Variants in PSD3 observed in about 807,000 individuals in gnomAD.
The protein encoded by PSD3 is pleckstrin and Sec7 domain containing 3.
A neutral mutation model predicts 105.5 loss-of-function variants in PSD3; 49 were observed. That is an observed-to-expected ratio of 0.46 (90% CI 0.37 to 0.59). PSD3 has a LOEUF of 0.59. Among genes scored for constraint, PSD3 ranks in the 20% least tolerant of loss-of-function variants. PSD3 has a pLI of 0.00. For missense variants in PSD3, 1,561 were observed against 1,263.8 expected, an observed-to-expected ratio of 1.24 and a Z score of -3.57; for synonymous variants, 557 against 457.8, an observed-to-expected ratio of 1.22 and a Z score of -2.77.
At chr8:18,858,988 A>G (rs1184912537) in intron 4 of PSD3, among the ~76,000 whole-genome samples, 7 of 152,136 alleles carry the variant, frequency 4.6e-5, no homozygotes, top group Admixed American at 3.9e-4. Flanking sequence ...AAGGTTTTCA[A>G]CTGACTTTGC....
At chr8:18,672,857 C>T (rs1429676882) in intron 9 of PSD3, among the ~76,000 whole-genome samples, 2 of 152,148 alleles carry the variant, frequency 1.3e-5, no homozygotes, top group Non-Finnish European at 2.9e-5. Context: ...GTCTCCATTA[C>T]CTGGCATTTG....
intron 1 of PSD3, among the ~76,000 whole-genome samples, chr8:19,037,668 T>A (rs1052378737): frequency 2.0e-5 from 3 of 152,174 alleles, no homozygotes; most frequent in Non-Finnish European, 4.4e-5. Context: ...CATCTCTATT[T>A]AGGCTGGCAC....
Position 18,631,726 on chromosome 8 carries a change from G to A in PSD3, c.2410+887C>T, listed in dbSNP as rs369431639. Among the ~76,000 whole-genome samples the A allele has an allele frequency of 3.3e-4, 50 of 151,866 alleles. 1 individual carries two copies. Among genetic ancestry groups the A allele is most frequent in the East Asian group, 2.7e-3 (14 of 5,166 alleles). On this transcript the variant is annotated intron_variant, in intron 11 of 15. Coordinates refer to ENST00000327040, the MANE Select transcript of PSD3 (RefSeq NM_015310.4). ...GGTGGATGCACTCTTAAAGAACTTG[G>A]GAACATTAAGAAATTTGTTCAGCAT...
chr8:18,743,915 G>A (rs555532484), intron 9 of PSD3, among the ~76,000 whole-genome samples: 38 of 151,444 alleles, frequency 2.5e-4, no homozygotes, highest in South Asian at 1.5e-3. Flanking sequence ...TGGTTGCATC[G>A]CTATATTGCA....
intron 1 of PSD3, chr8:19,001,545 A>G (rs570022680): frequency 6.6e-6 from 1 of 151,964 alleles, no homozygotes; most frequent in African/African-American, 2.4e-5. Context: ...GGCTGACCCT[A>G]TTGCCTGGTC....
At chr8:18,730,773 G>C (rs755704294) in intron 9 of PSD3, among the ~76,000 whole-genome samples, 1 of 152,104 alleles carries the variant, frequency 6.6e-6, no homozygotes. Context: ...TAGAGTTTAA[G>C]ATTCTGTGGG....
At chr8:19,049,078 C>G (rs1299744318) in intron 1 of PSD3, among the ~76,000 whole-genome samples, 3 of 152,200 alleles carry the variant, frequency 2.0e-5, no homozygotes, top group African/African-American at 7.2e-5. Context: ...TTAATTACCT[C>G]TTTAAATCCC....
rs138880259 is a variant in PSD3 at position 19,023,496 on chromosome 8, A to C, written c.324+60710T>G. Among the ~76,000 whole-genome samples, 964 of 152,096 alleles carry C rather than the reference A, an allele frequency of 6.3e-3. 2 individuals carry two copies. The highest frequency in any genetic ancestry group is 9.4e-3 in the Non-Finnish European group (638 of 67,988). ...CAGGCTGTAGGGCTGTGGTGCAGTC[A>C]TAGATCACTGCAGCCTTGACCTCCT... On this transcript the variant is annotated intron_variant, in intron 1 of 1. Transcript: ENST00000521475.
At chr8:18,633,892 G>C (rs988040619) in intron 10 of PSD3, among the ~76,000 whole-genome samples, 1 of 152,078 alleles carries the variant, frequency 6.6e-6, no homozygotes, top group African/African-American at 2.4e-5. Flanking sequence ...TGATGTATAA[G>C]TGTTCCCTTT....
At chr8:18,960,417 G>A (rs1026628924) in intron 1 of PSD3, among the ~76,000 whole-genome samples, 6 of 152,176 alleles carry the variant, frequency 3.9e-5, no homozygotes, top group African/African-American at 1.4e-4. Flanking sequence ...TTATTTAGAT[G>A]TGATTTAGAA....
chr8:19,032,435 T>C (rs996216849), intron 1 of PSD3, among the ~76,000 whole-genome samples: 1 of 152,182 alleles, frequency 6.6e-6, no homozygotes, highest in East Asian at 1.9e-4. Flanking sequence ...TTGTGCTCAG[T>C]AGTTCAAGGT....
intron 1 of PSD3, among the ~76,000 whole-genome samples, chr8:19,067,444 A>G (rs1054908153): frequency 2.6e-5 from 4 of 152,206 alleles, no homozygotes; most frequent in Non-Finnish European, 5.9e-5. Flanking sequence ...CTCCCACAGA[A>G]GGCACCAGAA....
chr8:18,789,318 C>T (rs904861876), intron 8 of PSD3, among the ~76,000 whole-genome samples: 1 of 152,106 alleles, frequency 6.6e-6, no homozygotes, highest in Admixed American at 6.6e-5. Context: ...ACTATAAACA[C>T]AAACAGATAT....
At chr8:18,988,126 T>C (rs954809913) in intron 1 of PSD3, among the ~76,000 whole-genome samples, 10 of 151,522 alleles carry the variant, frequency 6.6e-5, no homozygotes, top group East Asian at 5.8e-4. Context: ...TATATATATA[T>C]ACACATGAAT....
chr8:18,795,141 G>A (rs1810058775), intron 8 of PSD3, among the ~76,000 whole-genome samples: 2 of 151,984 alleles, frequency 1.3e-5, no homozygotes, highest in South Asian at 2.1e-4. Context: ...TTTCTTCCTT[G>A]ATTATATTCT....
chr8:18,816,876 T>G (rs1379925408), intron 4 of PSD3, among the ~76,000 whole-genome samples: 1 of 152,114 alleles, frequency 6.6e-6, no homozygotes, highest in Non-Finnish European at 1.5e-5. Flanking sequence ...ATAAGTGCCT[T>G]GGAGATAAAT....
At position 19,045,254 on chromosome 8, in the gene PSD3, T is replaced by C. The variant is rs370460350; in HGVS notation, c.324+38952A>G. 4.1e-4 allele frequency among the ~76,000 whole-genome samples: 63 copies of C among 152,310 alleles called. No individual in the cohort carries two copies. The East Asian group carries it at 7.5e-3, about 18-fold the overall frequency. ...AAGTAAAAAAGTAATATCCGAATTG[T>C]GAAAGCTTTGAATGTTTGGACTTTA... On this transcript the variant is annotated intron_variant, in intron 1 of 1. Coordinates refer to the PSD3 transcript ENST00000521475.
intron 9 of PSD3, among the ~76,000 whole-genome samples, chr8:18,693,563 A>T (rs11203984): frequency 0.91 from 138,232 of 152,260 alleles, 63,234 homozygotes; most frequent in Middle Eastern, 0.97. Flanking sequence ...TGTAAGCTGG[A>T]AACAAAGGTA....
chr8:18,959,079 C>T (rs1010614510), intron 1 of PSD3, among the ~76,000 whole-genome samples: 1 of 151,978 alleles, frequency 6.6e-6, no homozygotes, highest in Admixed American at 6.6e-5. Context: ...CATCATCACG[C>T]TCAGCTAATT....
Sources: gnomAD v4.1 joint callset for allele counts (sites outside exome capture counted in the v4.1 genomes callset) on GRCh38, gnomAD v4.1.1 for gene constraint, MANE v1.5 for transcripts, NCBI Gene and HGNC (gene_info 2026-07-23, HGNC 2026-07-21) for gene names.